Variants in CNTN5 observed in about 807,000 individuals in gnomAD.
CNTN5 encodes contactin 5.
Under a neutral mutation model 129.1 loss-of-function variants are expected in CNTN5, and 77 were observed. The ratio of observed to expected loss-of-function variants is 0.60; its 90% confidence interval spans 0.50 to 0.72. CNTN5 has a LOEUF of 0.72. CNTN5 is among the 30% of genes least tolerant of loss of function. The pLI, the probability that CNTN5 is intolerant of heterozygous loss-of-function variation, is 0.00. For synonymous variants in CNTN5, 509 were observed against 465.6 expected (o/e 1.09, Z -1.20); for missense variants, 1,478 against 1,328.8 (o/e 1.11, Z -1.75).
rs74504527 is a variant in CNTN5 at position 99,162,317 on chromosome 11, T to C, written c.-210+141047T>C. Among the ~76,000 whole-genome samples the C allele has an allele frequency of 2.2e-3, 328 of 152,192 alleles. 3 individuals carry two copies. Among genetic ancestry groups the C allele is most frequent in the African/African-American group, 7.5e-3 (312 of 41,522 alleles). On this transcript the variant is annotated intron_variant, in intron 1 of 24. Coordinates refer to ENST00000524871, the MANE Select transcript of CNTN5 (RefSeq NM_014361.4). ...CATTGATAAAAGAAGAGAGCCTTTG[T>C]AGAAAATGCACTTTGTTCTTTCACT...
chr11:100,031,752 C>T (rs1009230313), intron 9 of CNTN5, among the ~76,000 whole-genome samples: 1 of 152,128 alleles, frequency 6.6e-6, no homozygotes, highest in Non-Finnish European at 1.5e-5. Context: ...ATTGTAAATT[C>T]TTATCTCTGT....
chr11:99,168,503 C>T (rs1005364400), intron 1 of CNTN5, among the ~76,000 whole-genome samples: 9 of 151,982 alleles, frequency 5.9e-5, no homozygotes, highest in Non-Finnish European at 1.2e-4. Flanking sequence ...TCGCTTGAAC[C>T]CAGGAGGCAG....
intron 3 of CNTN5, among the ~76,000 whole-genome samples, chr11:99,659,906 G>T (rs1952533394): frequency 6.6e-6 from 1 of 152,092 alleles, no homozygotes; most frequent in Admixed American, 6.6e-5. Flanking sequence ...ATTTAACTTT[G>T]CTGTTATTGA....
intron 3 of CNTN5, among the ~76,000 whole-genome samples, chr11:99,650,930 CTA>C (rs1177733042): frequency 4.6e-5 from 7 of 151,878 alleles, no homozygotes; most frequent in Non-Finnish European, 1.0e-4. Context: ...ATGTTCTTAT[CTA>C]TGTCTTTCCA....
intron 21 of CNTN5, among the ~76,000 whole-genome samples, chr11:100,323,932 A>G (rs1951743683): frequency 1.3e-5 from 2 of 152,144 alleles, no homozygotes; most frequent in Admixed American, 6.6e-5. Flanking sequence ...CATACAGACT[A>G]TGTCATATAA....
intron 2 of CNTN5, among the ~76,000 whole-genome samples, chr11:99,491,321 A>G (rs1946028090): frequency 6.6e-6 from 1 of 152,158 alleles, no homozygotes; most frequent in Non-Finnish European, 1.5e-5. Flanking sequence ...CTTCAGAGCA[A>G]CAAGGCTAGT....
intron 3 of CNTN5, among the ~76,000 whole-genome samples, chr11:99,650,907 A>T (rs1191938049): frequency 6.6e-6 from 1 of 151,940 alleles, no homozygotes. Context: ...TAGGCCCAAA[A>T]CACAGTTCAA....
At chr11:99,624,431 G>A (rs1405278025) in intron 3 of CNTN5, among the ~76,000 whole-genome samples, 1 of 152,064 alleles carries the variant, frequency 6.6e-6, no homozygotes, top group East Asian at 1.9e-4. Context: ...TTTACAAGTT[G>A]CATTTGTTTT....
intron 3 of CNTN5, among the ~76,000 whole-genome samples, chr11:99,813,898 T>C (rs1565560622): frequency 6.6e-6 from 1 of 152,242 alleles, no homozygotes; most frequent in Non-Finnish European, 1.5e-5. Flanking sequence ...TGGAATGATA[T>C]AAGCAAGAGA....
At chr11:99,731,828 C>T (rs1943544897) in intron 3 of CNTN5, among the ~76,000 whole-genome samples, 1 of 152,160 alleles carries the variant, frequency 6.6e-6, no homozygotes, top group African/African-American at 2.4e-5. Context: ...AAATTGGCAC[C>T]ACATCACTTC....
chr11:99,582,491 A>C (rs1047800047), intron 3 of CNTN5, among the ~76,000 whole-genome samples: 1 of 152,154 alleles, frequency 6.6e-6, no homozygotes, highest in Non-Finnish European at 1.5e-5. Context: ...GTCTTTTCAC[A>C]TAGTGCCATA....
chr11:99,378,351 T>A (rs1323849567), intron 2 of CNTN5, among the ~76,000 whole-genome samples: 2 of 152,150 alleles, frequency 1.3e-5, no homozygotes, highest in African/African-American at 4.8e-5. Flanking sequence ...TCAGCTATAT[T>A]TCTCTAATAA....
At chr11:100,081,520 G>A (rs113917108) in intron 13 of CNTN5, among the ~76,000 whole-genome samples, 11 of 152,180 alleles carry the variant, frequency 7.2e-5, no homozygotes, top group African/African-American at 1.2e-4. Context: ...TGCTATGTCC[G>A]TATTCCACCC....
At chr11:100,348,801 A>G (rs1326164680) in intron 23 of CNTN5, among the ~76,000 whole-genome samples, 1 of 152,036 alleles carries the variant, frequency 6.6e-6, no homozygotes, top group Non-Finnish European at 1.5e-5. Context: ...AATCTTGACT[A>G]AGTACCCACT....
At chr11:100,098,209 G>T (rs999629650) in intron 13 of CNTN5, among the ~76,000 whole-genome samples, 1 of 151,452 alleles carries the variant, frequency 6.6e-6, no homozygotes, top group African/African-American at 2.4e-5. Flanking sequence ...CTATGTATAA[G>T]CAAAAAAAAG....
chr11:99,102,590 A>T (rs936963989), intron 1 of CNTN5, among the ~76,000 whole-genome samples: 15 of 152,160 alleles, frequency 9.9e-5, no homozygotes, highest in African/African-American at 3.4e-4. Context: ...AAATGCCACC[A>T]ATCTCCTTGC....
In CNTN5 at chr11:99,131,995, TC is replaced by T. The variant is rs372868260; in HGVS notation, c.-210+110727del. Among the ~76,000 whole-genome samples, 486 of 152,124 alleles carry T rather than the reference TC, an allele frequency of 3.2e-3. 2 individuals are homozygous for T. The highest frequency in any genetic ancestry group is 0.011 in the African/African-American group (468 of 41,500). ...TCCCTGATGAACATTTATGCAAAAA[TC>T]CTCAATAAAATAGGACAAACTGAAT... On this transcript the variant is annotated intron_variant, in intron 1 of 24. Transcript: ENST00000524871.
At chr11:99,410,815 G>A (rs1394977601) in intron 2 of CNTN5, among the ~76,000 whole-genome samples, 1 of 152,138 alleles carries the variant, frequency 6.6e-6, no homozygotes, top group Admixed American at 6.5e-5. Flanking sequence ...TATAGCTGTT[G>A]CTCACTCTAT....
At chr11:99,371,117 A>G (rs1442389305) in intron 2 of CNTN5, among the ~76,000 whole-genome samples, 1 of 152,074 alleles carries the variant, frequency 6.6e-6, no homozygotes, top group Non-Finnish European at 1.5e-5. Context: ...GAGAAAGGAG[A>G]TGCATGTTTT....
Sources: allele counts gnomAD v4.1 joint callset (sites outside exome capture counted in the v4.1 genomes callset), GRCh38; gene constraint gnomAD v4.1.1; transcripts MANE v1.5; gene names NCBI Gene and HGNC (gene_info 2026-07-23, HGNC 2026-07-21).